Variants in DLGAP2 observed in about 807,000 individuals in gnomAD.
DLGAP2 encodes DLG associated protein 2.
A neutral mutation model predicts 100.3 loss-of-function variants in DLGAP2; 26 were observed. The observed-to-expected ratio is 0.26, with a 90% CI of 0.19 to 0.36. The LOEUF (loss-of-function observed/expected upper bound fraction) is 0.36, where lower values mean the gene tolerates loss of function less well. Among genes scored for constraint, DLGAP2 ranks in the 10% least tolerant of loss-of-function variants. The pLI is 1.00. For synonymous variants in DLGAP2, 886 were observed against 630.1 expected (o/e 1.41, Z -6.08); for missense variants, 1,858 against 1,453.2 (o/e 1.28, Z -4.53).
chr8:791,626 A>AT (rs938932711), intron 1 of DLGAP2, among the ~76,000 whole-genome samples: 1 of 152,162 alleles, frequency 6.6e-6, no homozygotes, highest in Non-Finnish European at 1.5e-5. Flanking sequence ...TGTGCTGTGA[A>AT]TTTTTTTGAT....
chr8:1,259,972 C>A (rs1480650901), intron 3 of DLGAP2, among the ~76,000 whole-genome samples: 1 of 152,176 alleles, frequency 6.6e-6, no homozygotes, highest in Admixed American at 6.5e-5. Flanking sequence ...ATTTTTAAAT[C>A]ATAAGCTTCA....
At chr8:839,499 A>G (rs1330412379) in intron 1 of DLGAP2, among the ~76,000 whole-genome samples, 1 of 152,200 alleles carries the variant, frequency 6.6e-6, no homozygotes, top group East Asian at 1.9e-4. Context: ...ACCTGTGCTC[A>G]CTTATATGTG....
intron 2 of DLGAP2, among the ~76,000 whole-genome samples, chr8:1,160,109 C>T (rs1796861404): frequency 6.6e-6 from 1 of 152,210 alleles, no homozygotes; most frequent in Non-Finnish European, 1.5e-5. Context: ...AAGCTGACGC[C>T]GCGGCCCGTG....
chr8:1,168,046 A>C (rs1309708093), intron 2 of DLGAP2, among the ~76,000 whole-genome samples: 4 of 89,080 alleles, frequency 4.5e-5, no homozygotes, highest in Admixed American at 3.4e-4. Flanking sequence ...CCCACCCCAC[A>C]ACAGTCCCCA....
At chr8:1,110,807 A>G (rs1012517874) in intron 2 of DLGAP2, among the ~76,000 whole-genome samples, 2 of 145,110 alleles carry the variant, frequency 1.4e-5, no homozygotes, top group East Asian at 2.0e-4. Context: ...ACAGCTTTCT[A>G]TATTCACCCT....
At chr8:1,540,495 A>G (rs1431690160) in intron 4 of DLGAP2, among the ~76,000 whole-genome samples, 1 of 152,220 alleles carries the variant, frequency 6.6e-6, no homozygotes, top group Non-Finnish European at 1.5e-5. Flanking sequence ...ATCTATCTAA[A>G]ACCTCTCCAA....
At chr8:1,300,444 T>C (rs1321337364) in intron 3 of DLGAP2, 2 of 151,898 alleles carry the variant, frequency 1.3e-5, no homozygotes, top group Non-Finnish European at 2.9e-5. Flanking sequence ...TAACAGGAGG[T>C]GAATGCCATC....
rs1563158701 is a variant in DLGAP2 at position 1,039,542 on chromosome 8, AGCTTG to A, written c.73+131578_73+131582del. On this transcript the variant is annotated intron_variant, in intron 2 of 14. Transcript: ENST00000637795. Reference sequence around the variant, plus strand: ...CATGTTCAGCTCGGTGTGCGTGGTCAGCTTGGTGTGCGTGGTCAGCTTGGTGTGCG... The same window carrying A: ...CATGTTCAGCTCGGTGTGCGTGGTCAGTGTGCGTGGTCAGCTTGGTGTGCG... Among the ~76,000 whole-genome samples the A allele has an allele frequency of 1.3e-3, 120 of 93,172 alleles. 6 individuals carry two copies. Among genetic ancestry groups the A allele is most frequent in the African/African-American group, 5.3e-3 (113 of 21,448 alleles). 61.1% of individuals were successfully genotyped at this position (93,172 alleles called of 152,430 possible).
At chr8:1,512,897 C>T (rs1046844148) in intron 4 of DLGAP2, among the ~76,000 whole-genome samples, 8 of 152,358 alleles carry the variant, frequency 5.3e-5, no homozygotes, top group East Asian at 3.9e-4. Context: ...ATGGTCGCAC[C>T]GCCACCCTGT....
chr8:1,107,109 C>T (rs1006311167), intron 2 of DLGAP2, among the ~76,000 whole-genome samples: 2 of 152,104 alleles, frequency 1.3e-5, no homozygotes, highest in African/African-American at 2.4e-5. Context: ...CACCTGCGGG[C>T]GGTATCACAC....
chr8:1,139,116 G>A (rs573691554), intron 2 of DLGAP2, among the ~76,000 whole-genome samples: 1 of 152,224 alleles, frequency 6.6e-6, no homozygotes, highest in African/African-American at 2.4e-5. Context: ...TGTTTCCTGA[G>A]CGCCTGCTGC....
At chr8:1,488,618 A>G (rs73536556) in intron 3 of DLGAP2, among the ~76,000 whole-genome samples, 11,455 of 152,200 alleles carry the variant, frequency 0.075, 1,498 homozygotes, top group African/African-American at 0.26. Flanking sequence ...CACACAGGAG[A>G]AAACAGGGGT....
intron 1 of DLGAP2, among the ~76,000 whole-genome samples, chr8:871,505 T>C (rs1192016714): frequency 1.3e-5 from 2 of 152,210 alleles, no homozygotes; most frequent in South Asian, 4.1e-4. Flanking sequence ...TAAAGAATTA[T>C]GTGTGAAATT....
intron 3 of DLGAP2, among the ~76,000 whole-genome samples, chr8:1,422,546 G>A (rs1797122958): frequency 6.8e-6 from 1 of 146,376 alleles, no homozygotes; most frequent in South Asian, 2.3e-4. Flanking sequence ...GTTTGGAAAA[G>A]GCTTTCTTTG....
At chr8:1,601,224 T>C (rs1019625568) in intron 6 of DLGAP2, among the ~76,000 whole-genome samples, 2 of 152,254 alleles carry the variant, frequency 1.3e-5, no homozygotes, top group Non-Finnish European at 2.9e-5. Context: ...CAAAGATTGC[T>C]GCCTGTTCCT....
chr8:1,658,531 C>G (rs11786433), intron 8 of DLGAP2, among the ~76,000 whole-genome samples: 58,453 of 151,882 alleles, frequency 0.38, 11,518 homozygotes, highest in East Asian at 0.5. Flanking sequence ...CTTGTTATTG[C>G]TCTATTCAGG....
intron 2 of DLGAP2, among the ~76,000 whole-genome samples, chr8:1,174,655 A>G (rs949952618): frequency 9.3e-5 from 14 of 151,002 alleles, no homozygotes; most frequent in Admixed American, 5.3e-4. Context: ...CGTCTTTACC[A>G]TCATTGTCAT....
chr8:1,141,490 G>A (rs1796521571), intron 2 of DLGAP2, among the ~76,000 whole-genome samples: 1 of 152,048 alleles, frequency 6.6e-6, no homozygotes, highest in Non-Finnish European at 1.5e-5. Flanking sequence ...ATTAAAAAAA[G>A]AAAAATGTAA....
chr8:810,096 C>G (rs553945745), intron 1 of DLGAP2, among the ~76,000 whole-genome samples: 6 of 152,326 alleles, frequency 3.9e-5, no homozygotes, highest in East Asian at 1.9e-4. Flanking sequence ...CCCTTTCTAA[C>G]TACTGTTCAT....
Sources: allele counts gnomAD v4.1 joint callset (sites outside exome capture counted in the v4.1 genomes callset), GRCh38; gene constraint gnomAD v4.1.1; transcripts MANE v1.5; gene names NCBI Gene and HGNC (gene_info 2026-07-23, HGNC 2026-07-21).